The following CCNH variants were observed in gnomAD, a reference collection of about 807,000 sequenced individuals.
CCNH encodes cyclin-H.
A neutral mutation model predicts 41.9 loss-of-function variants in CCNH; 31 were observed. That is an observed-to-expected ratio of 0.74 (90% confidence interval 0.56 to 1.00). The LOEUF (loss-of-function observed/expected upper bound fraction) is 1.00. CCNH is among the 50% of genes least tolerant of loss of function. The pLI, the probability that CCNH is intolerant of heterozygous loss-of-function variation, is 0.00. For missense variants in CCNH, 362 were observed against 388.4 expected (o/e 0.93, Z 0.57); for synonymous variants, 138 against 136.1 (o/e 1.01, Z -0.10).
At chr5:87,332,368 T>G in intron 9 of CCNH, 1 of 809,872 alleles carries the variant, frequency 1.2e-6, no homozygotes, top group East Asian at 2.7e-5. Context: ...AAGATACTAA[T>G]AAGTGGTATT....
chr5:87,366,448 T>C, intron 9 of CCNH: 1 of 342,068 alleles, frequency 2.9e-6, no homozygotes, highest in Non-Finnish European at 6.0e-6. Context: ...AAAAGAAGGA[T>C]CAGATCCTTG....
At chr5:87,336,430 AT>A (rs1030345629) in intron 9 of CCNH, among the ~76,000 whole-genome samples, 1 of 152,096 alleles carries the variant, frequency 6.6e-6, no homozygotes, top group African/African-American at 2.4e-5. Context: ...GATGATATAA[AT>A]TTGGATTTAT....
At chr5:87,404,715 C>T in intron 5 of CCNH, 129 bp downstream of exon 5, 1 of 692,412 alleles carries the variant, frequency 1.4e-6, no homozygotes, top group Non-Finnish European at 2.3e-6. Flanking sequence ...CCTCAAAAGG[C>T]AATTTCATTT....
intron 9 of CCNH, chr5:87,331,264 C>A: frequency 7.3e-7 from 1 of 1,373,630 alleles, no homozygotes; most frequent in Non-Finnish European, 1.0e-6. Flanking sequence ...GCATTTAAAA[C>A]CTCTAGTAGT....
At chr5:87,385,008 G>T (rs1761970279) in intron 9 of CCNH, among the ~76,000 whole-genome samples, 1 of 151,974 alleles carries the variant, frequency 6.6e-6, no homozygotes, top group East Asian at 1.9e-4. Context: ...AAAGCTTTGA[G>T]GTCCTTTGAA....
intron 9 of CCNH, among the ~76,000 whole-genome samples, chr5:87,345,462 G>T (rs1270523737): frequency 6.6e-6 from 1 of 152,036 alleles, no homozygotes; most frequent in Non-Finnish European, 1.5e-5. Flanking sequence ...AGCATTTGTA[G>T]TAAGTGGTCA....
chr5:87,412,624 A>T, intron 1 of CCNH, 54 bp downstream of exon 1: 1 of 1,600,794 alleles, frequency 6.2e-7, no homozygotes, highest in South Asian at 1.1e-5. Flanking sequence ...GAGCTCCCGC[A>T]GCTGCTCAGA....
chr5:87,359,470 CTAGTCCCCACTTTAATAT>C (rs1267567343), intron 9 of CCNH, among the ~76,000 whole-genome samples: 12 of 152,228 alleles, frequency 7.9e-5, no homozygotes, highest in African/African-American at 2.9e-4. Flanking sequence ...GATTTGTGGG[CTAGTCCCCACTTTAATAT>C]GATTTTTAAA....
intron 9 of CCNH, among the ~76,000 whole-genome samples, chr5:87,343,138 A>T (rs554794400): frequency 6.6e-6 from 1 of 152,302 alleles, no homozygotes; most frequent in South Asian, 2.1e-4. Flanking sequence ...CCTCAGTAAC[A>T]TCTACAAGTA....
intron 4 of CCNH, among the ~76,000 whole-genome samples, chr5:87,406,266 T>C (rs900300044): frequency 1.3e-5 from 2 of 152,124 alleles, no homozygotes; most frequent in African/African-American, 4.8e-5. Flanking sequence ...GCCAACCCCC[T>C]TCCATCTTAC....
intron 6 of CCNH, among the ~76,000 whole-genome samples, chr5:87,401,186 C>T (rs1185799147): frequency 1.3e-5 from 2 of 152,340 alleles, no homozygotes; most frequent in East Asian, 3.9e-4. Context: ...TTGCCTGTTC[C>T]AGCTTCCGAT....
At chr5:87,394,658 A>T in intron 8 of CCNH, 174 bp from the exon 9 acceptor site, 8 of 1,399,196 alleles carry the variant, frequency 5.7e-6, no homozygotes, top group Middle Eastern at 2.3e-4. Flanking sequence ...GTCTCACCAG[A>T]CTCCTCCAGT....
At chr5:87,406,863 C>T (rs1050321561) in intron 4 of CCNH, among the ~76,000 whole-genome samples, 2 of 152,052 alleles carry the variant, frequency 1.3e-5, no homozygotes, top group East Asian at 1.9e-4. Context: ...TACAGATGCG[C>T]GATAAATACC....
intron 7 of CCNH, among the ~76,000 whole-genome samples, chr5:87,395,856 G>A: frequency 6.6e-6 from 1 of 151,256 alleles, no homozygotes; most frequent in East Asian, 1.9e-4. Flanking sequence ...CTGGATGACA[G>A]AGAGAAGACT....
Position 87,326,554 on chromosome 5 carries a change from G to A in CCNH, c.*91-7657C>T, listed in dbSNP as rs186520028. ...TCCCCATCTTCCTTAGAGAGGCAAAGAAGAAGAGAGAGGGAGATTTACTTT... is the reference window on the plus strand; with the variant it reads ...TCCCCATCTTCCTTAGAGAGGCAAAAAAGAAGAGAGAGGGAGATTTACTTT... On this transcript the variant is annotated intron_variant and NMD_transcript_variant, in intron 9 of 9. Coordinates refer to the CCNH transcript ENST00000645953. Among the ~76,000 whole-genome samples the A allele has an allele frequency of 2.6e-4, 39 of 152,272 alleles. No individual in the cohort carries two copies. In the East Asian group the frequency reaches 7.3e-3, roughly 29 times the overall value.
intron 9 of CCNH, among the ~76,000 whole-genome samples, chr5:87,336,465 C>T (rs1326024381): frequency 6.6e-6 from 1 of 151,866 alleles, no homozygotes; most frequent in Non-Finnish European, 1.5e-5. Flanking sequence ...AGTTTATACA[C>T]ACCTGTGGAT....
chr5:87,357,839 A>G (rs759041981), intron 9 of CCNH, among the ~76,000 whole-genome samples: 6 of 152,196 alleles, frequency 3.9e-5, no homozygotes, highest in African/African-American at 9.7e-5. Flanking sequence ...CAAACCTCCA[A>G]TTGGTTTTGC....
downstream of CCNH, among the ~76,000 whole-genome samples, chr5:87,375,379 G>A (rs1761255310): frequency 6.6e-6 from 1 of 151,750 alleles, no homozygotes; most frequent in Admixed American, 6.6e-5. Flanking sequence ...TCCTGCCTCA[G>A]CCTCCTGAGT....
intron 9 of CCNH, chr5:87,331,053 T>C: frequency 8.1e-7 from 1 of 1,230,932 alleles, no homozygotes; most frequent in Non-Finnish European, 1.1e-6. Flanking sequence ...GCAGTAGTGT[T>C]TATATTTTGA....
Sources: gnomAD v4.1 joint callset for allele counts (sites outside exome capture counted in the v4.1 genomes callset) on GRCh38, gnomAD v4.1.1 for gene constraint, MANE v1.5 for transcripts, NCBI Gene and HGNC (gene_info 2026-07-23, HGNC 2026-07-21) for gene names.